Variants in DNAH5 observed in about 807,000 individuals in gnomAD.
DNAH5 encodes the protein dynein axonemal heavy chain 5.
A neutral mutation model predicts 518.2 loss-of-function variants in DNAH5; 372 were observed. That is an observed-to-expected ratio of 0.72 (90% confidence interval 0.66 to 0.78). The LOEUF (loss-of-function observed/expected upper bound fraction) is 0.78. Ranked by LOEUF, DNAH5 falls within the 30% of genes least tolerant of loss-of-function variation. The pLI, the probability that DNAH5 is intolerant of heterozygous loss-of-function variation, is 0.00. For missense variants in DNAH5, 5,523 were observed against 5,687.0 expected, an observed-to-expected ratio of 0.97 and a Z score of 0.93; for synonymous variants, 2,039 against 2,025.9, an observed-to-expected ratio of 1.01 and a Z score of -0.17.
chr5:13,824,446 C>A, intron 38 of DNAH5, 113 bp from the exon 39 acceptor site: 1 of 1,026,184 alleles, frequency 9.7e-7, no homozygotes, highest in Non-Finnish European at 1.5e-6. Context: ...GATTTTCCTT[C>A]AGAAAATGCA....
At chr5:13,818,664 T>C (rs1326259248) in intron 41 of DNAH5, among the ~76,000 whole-genome samples, 1 of 152,276 alleles carries the variant, frequency 6.6e-6, no homozygotes, top group Non-Finnish European at 1.5e-5. Context: ...ACTCATGGGA[T>C]ACTTGTCCAA....
intron 59 of DNAH5, among the ~76,000 whole-genome samples, chr5:13,763,257 T>A (rs1394633291): frequency 6.6e-6 from 1 of 152,176 alleles, no homozygotes; most frequent in Admixed American, 6.5e-5. Context: ...ATGGATGAAT[T>A]ACAAACCCAT....
rs1459712954 is a variant in DNAH5, at chr5:13,866,269, G to C, written c.4067C>G (p.Ala1356Gly). The change falls in exon 26 of 79, where the codon GCT becomes GGT. Residue 1356 changes from alanine to glycine, a missense_variant. Physicochemically the swap from Ala to Gly is moderately conservative, Grantham distance 60 (BLOSUM62 0). This residue lies in a region of DNAH5 where 5,121 missense variants were observed against 5,223.3 expected (regional missense o/e 0.98). Transcript: ENST00000265104. ...GGCTTCCTGGGGCTTCAAGCCGCTAGCCATTGGACCATTCTGAACAAAAAG... is the reference window on the plus strand; with the variant it reads ...GGCTTCCTGGGGCTTCAAGCCGCTACCCATTGGACCATTCTGAACAAAAAG... The part of the protein sequence containing the change: ...YLDYDLNGPM[A>G]SGLKPQEASD... 1 of 1,613,622 alleles carries C rather than the reference G, an allele frequency of 6.2e-7. No homozygotes were observed. The highest frequency in any genetic ancestry group is 8.5e-7 in the Non-Finnish European group (1 of 1,179,802).
intron 1 of DNAH5, among the ~76,000 whole-genome samples, chr5:14,009,315 T>C (rs1275258062): frequency 6.6e-6 from 1 of 152,206 alleles, no homozygotes; most frequent in Non-Finnish European, 1.5e-5. Flanking sequence ...CAAATAGCCA[T>C]GCTCACTGTA....
intron 12 of DNAH5, among the ~76,000 whole-genome samples, chr5:13,904,833 C>A (rs1330947113): frequency 6.6e-6 from 1 of 152,076 alleles, no homozygotes; most frequent in African/African-American, 2.4e-5. Flanking sequence ...ATCATTTGAG[C>A]CCAGCAGATC....
At chr5:13,760,495 T>C (rs1343579947) in intron 60 of DNAH5, among the ~76,000 whole-genome samples, 1 of 152,228 alleles carries the variant, frequency 6.6e-6, no homozygotes, top group African/African-American at 2.4e-5. Context: ...TTATCTATGT[T>C]CAATATTTAA....
chr5:13,884,219 T>C (rs1026165812), intron 19 of DNAH5, among the ~76,000 whole-genome samples: 1 of 152,338 alleles, frequency 6.6e-6, no homozygotes, highest in African/African-American at 2.4e-5. Flanking sequence ...GTGACACTAG[T>C]AAGATGTTTC....
chr5:13,774,072 T>C lies in DNAH5; in HGVS notation c.9373+2367A>G, dbSNP rs966786617. 3.3e-5 allele frequency among the ~76,000 whole-genome samples: 5 copies of C among 152,052 alleles called. No homozygotes were observed. In the South Asian group the frequency reaches 1.0e-3, roughly 32 times the overall value. ...TTTTCCTAAGAACAATAGGAAGACA[T>C]GGAGGTTTTAAGCAGAAATAAATGC... On this transcript the variant is annotated intron_variant, in intron 55 of 78. Coordinates refer to ENST00000265104, the MANE Select transcript of DNAH5 (RefSeq NM_001369.3).
chr5:13,850,424 TC>T (rs1399476791), intron 31 of DNAH5, among the ~76,000 whole-genome samples: 2 of 152,358 alleles, frequency 1.3e-5, no homozygotes, highest in Non-Finnish European at 2.9e-5. Context: ...TACAGTCTTA[TC>T]CCAGTGATGG....
chr5:13,788,960 G>GT (rs1315737145), intron 50 of DNAH5, 46 bp from the exon 51 acceptor site: 2 of 1,544,820 alleles, frequency 1.3e-6, no homozygotes, highest in African/African-American at 2.7e-5. Context: ...CTGTTATGCC[G>GT]TAATTGGGAA....
At chr5:13,827,352 T>C (rs999168419) in intron 38 of DNAH5, among the ~76,000 whole-genome samples, 1 of 151,352 alleles carries the variant, frequency 6.6e-6, no homozygotes. Flanking sequence ...GAGACTTTCA[T>C]GGCAGCCCCT....
In DNAH5 at chr5:13,795,579, G is replaced by A. The variant is rs1314096778; in HGVS notation, c.7888-1521C>T. Among the ~76,000 whole-genome samples the A allele has an allele frequency of 2.0e-5, 3 of 152,148 alleles. 1 individual carries two copies. In the South Asian group the frequency reaches 6.2e-4, roughly 32 times the overall value. On this transcript the variant is annotated intron_variant, in intron 47 of 78. Transcript: ENST00000265104. Reference sequence around the variant, plus strand: ...ATTAATAGCCTACCAACCAAAAAAAGTCCAGGACCAGACGGATTCACAGCC... The same window carrying A: ...ATTAATAGCCTACCAACCAAAAAAAATCCAGGACCAGACGGATTCACAGCC...
At chr5:13,914,055 T>C in intron 10 of DNAH5, 97 bp from the exon 11 acceptor site, 1 of 1,444,406 alleles carries the variant, frequency 6.9e-7, no homozygotes, top group Non-Finnish European at 9.4e-7. Context: ...GATGGAATTG[T>C]AAGCCTTTTC....
intron 65 of DNAH5, among the ~76,000 whole-genome samples, chr5:13,750,707 G>C (rs1356637171): frequency 6.6e-6 from 1 of 152,136 alleles, no homozygotes; most frequent in African/African-American, 2.4e-5. Context: ...ACCTAGATGT[G>C]TACTAGAAAA....
intron 76 of DNAH5, among the ~76,000 whole-genome samples, chr5:13,704,951 T>C (rs1742581313): frequency 6.6e-6 from 1 of 152,046 alleles, no homozygotes; most frequent in African/African-American, 2.4e-5. Context: ...GTTCAAAAGA[T>C]CTATTTTACA....
intron 12 of DNAH5, among the ~76,000 whole-genome samples, chr5:13,909,655 T>C (rs1476251983): frequency 2.6e-5 from 4 of 152,200 alleles, no homozygotes; most frequent in Non-Finnish European, 5.9e-5. Context: ...CCTCACTTTT[T>C]CATATAGTAT....
rs1291311803 is a variant in DNAH5 at position 13,913,953 on chromosome 5, G to A, written c.1326C>T (p.Tyr442=). Residue 442 remains tyrosine, a synonymous_variant, in exon 11 of 79, where the codon TAC becomes TAT. Coordinates refer to ENST00000265104, the MANE Select transcript of DNAH5 (RefSeq NM_001369.3). The stretch of plus-strand genomic sequence containing the variant: ...GTTTTGTCTTGTGAAAGCAGAGCTG[G>A]TATTCCTTAAAATCAAAAGAAAAAT... The part of the protein sequence containing the change: ...ILSAIKLKQE[Y]QLCFHKTKQK... The A allele has an allele frequency of 6.2e-7, 1 of 1,612,646 alleles. No homozygotes were observed. The highest frequency in any genetic ancestry group is 1.1e-5 in the South Asian group (1 of 91,010).
chr5:13,901,708 T>C, intron 13 of DNAH5, 135 bp from the exon 14 acceptor site: 3 of 629,780 alleles, frequency 4.8e-6, no homozygotes, highest in Non-Finnish European at 5.1e-6. Flanking sequence ...GATATTTACA[T>C]GGAATATTAA....
intron 1 of DNAH5, among the ~76,000 whole-genome samples, chr5:13,979,485 AGT>A (rs1442869715): frequency 6.6e-6 from 1 of 152,168 alleles, no homozygotes; most frequent in Non-Finnish European, 1.5e-5. Flanking sequence ...CCTGAAACAC[AGT>A]AGGTGCTCAA....
Sources: allele counts gnomAD v4.1 joint callset (sites outside exome capture counted in the v4.1 genomes callset), GRCh38; gene constraint gnomAD v4.1.1; regional missense constraint gnomAD v4.1.1; transcripts MANE v1.5; gene names NCBI Gene and HGNC (gene_info 2026-07-23, HGNC 2026-07-21).